CDCP1: variants seen among roughly 807,000 people sequenced by gnomAD.
CDCP1 encodes CUB domain-containing protein 1.
CDCP1 carries 29 observed loss-of-function variants against 60.2 expected under a neutral mutation model. The ratio of observed to expected loss-of-function variants is 0.48; its 90% CI spans 0.36 to 0.66. CDCP1 has a LOEUF of 0.66. Among genes scored for constraint, CDCP1 ranks in the 30% least tolerant of loss-of-function variants. CDCP1 has a pLI of 0.00. For missense variants in CDCP1, 876 were observed against 1,074.3 expected (o/e 0.82, Z 2.58); for synonymous variants, 387 against 431.1 (o/e 0.90, Z 1.27).
chr3:45,112,321 C>A lies in CDCP1; in HGVS notation c.417G>T (p.Leu139=), dbSNP rs373617893. The change falls in exon 3 of 9, where the codon CTG becomes CTT. Residue 139 remains leucine, a synonymous_variant. Coordinates refer to ENST00000296129, the MANE Select transcript of CDCP1 (RefSeq NM_022842.5). Reference sequence around the variant, plus strand: ...GCCTCAGGCGAGGGATGGAAAACTGCAGCTCTAAACCGATGCTCTTATGAG... The same window carrying A: ...GCCTCAGGCGAGGGATGGAAAACTGAAGCTCTAAACCGATGCTCTTATGAG... ...VKAHKSIGLE[L]QFSIPRLRQI... 1.2e-6 allele frequency: 2 copies of A among 1,614,130 alleles called. No individual in the cohort carries two copies. The highest frequency in any genetic ancestry group is 1.3e-5 in the African/African-American group (1 of 74,938).
chr3:45,087,704 AG>A (rs1172559633), intron 8 of CDCP1, among the ~76,000 whole-genome samples: 1 of 152,230 alleles, frequency 6.6e-6, no homozygotes, highest in Non-Finnish European at 1.5e-5. Flanking sequence ...TTCTTTGCTC[AG>A]GTCCACAGTT....
At chr3:45,126,013 C>G (rs1483546147) in intron 1 of CDCP1, among the ~76,000 whole-genome samples, 1 of 152,240 alleles carries the variant, frequency 6.6e-6, no homozygotes, top group Non-Finnish European at 1.5e-5. Flanking sequence ...TCCACCCACC[C>G]AGGGTACCAC....
chr3:45,111,694 A>G (rs985909522), intron 3 of CDCP1, among the ~76,000 whole-genome samples: 6 of 152,214 alleles, frequency 3.9e-5, no homozygotes, highest in Non-Finnish European at 7.3e-5. Context: ...AAAAACAAAA[A>G]TAAAAACAAA....
At chr3:45,114,585 C>T (rs6773587) in intron 2 of CDCP1, among the ~76,000 whole-genome samples, 121,463 of 151,814 alleles carry the variant, frequency 0.8, 48,639 homozygotes, top group East Asian at 0.85. Flanking sequence ...TGGGTAATTT[C>T]TTTTGTATTT....
chr3:45,146,411 C>T (rs112770106), upstream of CDCP1: 25 of 732,188 alleles, frequency 3.4e-5, no homozygotes, highest in Non-Finnish European at 5.2e-5. Flanking sequence ...CGGACCGGCC[C>T]GAGCCCCGCC....
intron 1 of CDCP1, among the ~76,000 whole-genome samples, chr3:45,135,395 C>T (rs919403093): frequency 6.6e-6 from 1 of 152,014 alleles, no homozygotes; most frequent in East Asian, 1.9e-4. Flanking sequence ...TAGAAGTTGG[C>T]CCTACTGCTA....
chr3:45,118,327 G>C lies in CDCP1; in HGVS notation c.292+85C>G, dbSNP rs878919847. 2.4e-5 allele frequency: 25 copies of C among 1,022,044 alleles called. No individual in the cohort carries two copies. In the South Asian group the frequency reaches 3.2e-4, roughly 13 times the overall value. 63.3% of individuals were successfully genotyped at this position (1,022,044 alleles called of 1,614,324 possible). ...TAGATCTTAGCTCTCTAGCATTAGA[G>C]ACTGACTTAGCATGGGAAAGACAGT... On this transcript the variant is annotated intron_variant, in intron 2 of 8. Transcript: ENST00000296129.
chr3:45,146,089 T>TCTTCGCACC, intron 1 of CDCP1, 117 bp downstream of exon 1: 1 of 852,016 alleles, frequency 1.2e-6, no homozygotes, highest in Non-Finnish European at 1.7e-6. Flanking sequence ...CCCCGCCCTC[T>TCTTCGCACC]CTCCGCACCC....
intron 1 of CDCP1, among the ~76,000 whole-genome samples, chr3:45,126,819 C>T (rs1315310200): frequency 6.6e-6 from 1 of 152,196 alleles, no homozygotes. Context: ...TCCCCACAAC[C>T]ACTCCATAAA....
chr3:45,132,026 G>T (rs574572716), intron 1 of CDCP1, among the ~76,000 whole-genome samples: 2 of 152,248 alleles, frequency 1.3e-5, no homozygotes, highest in Admixed American at 1.3e-4. Flanking sequence ...CTGAGGTCAG[G>T]AGTTCGAGAC....
intron 1 of CDCP1, among the ~76,000 whole-genome samples, chr3:45,126,108 C>CTTTCTTTCTCTTTCTT (rs1553610965): frequency 1.0e-4 from 11 of 110,080 alleles, no homozygotes; most frequent in African/African-American, 4.1e-4. Flanking sequence ...TTGTCTCTCT[C>CTTTCTTTCTCTTTCTT]TCTTTCTTTC....
intron 1 of CDCP1, among the ~76,000 whole-genome samples, chr3:45,119,444 T>C (rs987089992): frequency 3.9e-5 from 6 of 152,188 alleles, no homozygotes; most frequent in African/African-American, 1.4e-4. Flanking sequence ...TCTTGGATTC[T>C]GATTATGAGT....
chr3:45,092,226 C>T (rs1378992049), intron 6 of CDCP1, among the ~76,000 whole-genome samples: 1 of 152,190 alleles, frequency 6.6e-6, no homozygotes, highest in Non-Finnish European at 1.5e-5. Context: ...AAATAAAAAC[C>T]AGGCAAGTTT....
chr3:45,126,784 G>C (rs568039517), intron 1 of CDCP1, among the ~76,000 whole-genome samples: 33 of 152,242 alleles, frequency 2.2e-4, no homozygotes, highest in African/African-American at 7.9e-4. Context: ...GCAGCCCCGT[G>C]CATATGTTTA....
Position 45,091,577 on chromosome 3 carries a change from TC to T in CDCP1, c.1628-40del, listed in dbSNP as rs1219826030. ...AGGGAGATCCAGACAGATGTTTCAT[TC>T]AGTCAACATGGAGAGGAAAGGGAGT... is the stretch of plus-strand genomic sequence containing the variant. On this transcript the variant is annotated intron_variant, in intron 6 of 8. Transcript: ENST00000296129. The surrounding 1 kb of genome is among the most constrained non-coding windows in gnomAD (Gnocchi z 4.8). The T allele has an allele frequency of 1.9e-6, 3 of 1,549,262 alleles. No individual in the cohort carries two copies. Among genetic ancestry groups the T allele is most frequent in the Non-Finnish European group, 2.6e-6 (3 of 1,150,686 alleles).
intron 1 of CDCP1, among the ~76,000 whole-genome samples, chr3:45,135,433 G>C (rs1323839897): frequency 6.6e-6 from 1 of 152,190 alleles, no homozygotes; most frequent in Non-Finnish European, 1.5e-5. Flanking sequence ...AGGAAAAGGA[G>C]GCTTCGAACA....
In CDCP1 at chr3:45,100,280, C is replaced by T. The variant is rs115885586; in HGVS notation, c.1025-4712G>A. On this transcript the variant is annotated intron_variant, in intron 4 of 8. Coordinates refer to ENST00000296129, the MANE Select transcript of CDCP1 (RefSeq NM_022842.5). ...AGTACTTCAGTTTTACTCAATCCCC[C>T]GTGTTCAGCTTAGTACCTCCACCTT... Among the ~76,000 whole-genome samples, 447 of 152,322 alleles carry T rather than the reference C, an allele frequency of 2.9e-3. 1 individual carries two copies. Among genetic ancestry groups the T allele is most frequent in the African/African-American group, 0.01 (420 of 41,572 alleles).
chr3:45,124,907 C>T (rs543810158), intron 1 of CDCP1, among the ~76,000 whole-genome samples: 24 of 152,102 alleles, frequency 1.6e-4, no homozygotes, highest in Non-Finnish European at 2.5e-4. Flanking sequence ...CTGCAGGGAG[C>T]GAGTGTTGAA....
intron 2 of CDCP1, among the ~76,000 whole-genome samples, chr3:45,116,894 C>A (rs898328784): frequency 3.3e-5 from 5 of 152,100 alleles, no homozygotes; most frequent in Non-Finnish European, 7.4e-5. Context: ...ATGATGAAAA[C>A]GTTATACACA....
Sources: allele counts gnomAD v4.1 joint callset (sites outside exome capture counted in the v4.1 genomes callset), GRCh38; gene constraint gnomAD v4.1.1; non-coding constraint Gnocchi (gnomAD v3.1); transcripts MANE v1.5; gene names NCBI Gene and HGNC (gene_info 2026-07-23, HGNC 2026-07-21).